WDR72: variants seen among roughly 807,000 people sequenced by gnomAD.
The protein encoded by WDR72 is WD repeat-containing protein 72.
Under a neutral mutation model 124.2 loss-of-function variants are expected in WDR72, and 120 were observed. That is an observed-to-expected ratio of 0.97 (90% CI 0.83 to 1.12). The LOEUF (loss-of-function observed/expected upper bound fraction) is 1.12, where lower values mean the gene tolerates loss of function less well. Among genes scored for constraint, WDR72 ranks in the 50% most tolerant of loss-of-function variants. WDR72 has a pLI of 0.00. For synonymous variants in WDR72, 452 were observed against 441.7 expected (o/e 1.02, Z -0.29); for missense variants, 1,387 against 1,278.8 (o/e 1.08, Z -1.29).
chr15:53,616,279 GCTT>G (rs1433932562), intron 14 of WDR72, 36 bp from the exon 15 acceptor site: 3 of 1,537,448 alleles, frequency 2.0e-6, no homozygotes, highest in Non-Finnish European at 2.7e-6. Flanking sequence ...CAAAGTTCTT[GCTT>G]ATTATTTTAT....
intron 11 of WDR72, among the ~76,000 whole-genome samples, chr15:53,704,357 T>C (rs188650046): frequency 1.1e-4 from 16 of 152,280 alleles, no homozygotes; most frequent in African/African-American, 3.8e-4. Flanking sequence ...ATTAAAAGAC[T>C]GTATGTTGTT....
intron 18 of WDR72, among the ~76,000 whole-genome samples, chr15:53,548,171 G>C (rs548961578): frequency 2.0e-5 from 3 of 152,312 alleles, no homozygotes; most frequent in African/African-American, 7.2e-5. Context: ...GCTATGCTCT[G>C]ATCATCTTCT....
chr15:53,730,784 C>T (rs540730872), intron 2 of WDR72, among the ~76,000 whole-genome samples: 128 of 152,208 alleles, frequency 8.4e-4, no homozygotes, highest in Non-Finnish European at 1.7e-3. Flanking sequence ...TTTATATACA[C>T]ATTTTTTAAA....
intron 14 of WDR72, among the ~76,000 whole-genome samples, chr15:53,647,910 T>C (rs1458566956): frequency 1.3e-5 from 2 of 152,116 alleles, no homozygotes; most frequent in African/African-American, 2.4e-5. Context: ...ATGCAACTAC[T>C]GAAATGCCAA....
intron 18 of WDR72, among the ~76,000 whole-genome samples, chr15:53,565,215 G>C (rs1894252912): frequency 6.6e-6 from 1 of 151,794 alleles, no homozygotes; most frequent in Non-Finnish European, 1.5e-5. Context: ...ACTCGAGGCA[G>C]GTGAGTTTAG....
chr15:53,604,142 A>G (rs542030101), intron 17 of WDR72, among the ~76,000 whole-genome samples: 2 of 152,352 alleles, frequency 1.3e-5, no homozygotes, highest in East Asian at 3.9e-4. Flanking sequence ...CACATAGACC[A>G]ATGGAACAGA....
intron 18 of WDR72, among the ~76,000 whole-genome samples, chr15:53,577,634 G>A (rs1037296797): frequency 2.0e-5 from 3 of 152,036 alleles, no homozygotes; most frequent in Non-Finnish European, 4.4e-5. Flanking sequence ...TTATCCTCAC[G>A]GATGCATCTA....
At chr15:53,699,263 C>G (rs2017094455) in intron 13 of WDR72, among the ~76,000 whole-genome samples, 1 of 152,146 alleles carries the variant, frequency 6.6e-6, no homozygotes, top group African/African-American at 2.4e-5. Flanking sequence ...TCTACATTCT[C>G]TATGATATGA....
At chr15:53,546,696 CA>C (rs1338623269) in intron 18 of WDR72, among the ~76,000 whole-genome samples, 1 of 151,570 alleles carries the variant, frequency 6.6e-6, no homozygotes, top group Non-Finnish European at 1.5e-5. Flanking sequence ...GAAAGAAATG[CA>C]AAAGATACTT....
chr15:53,635,084 G>A (rs766106897), intron 14 of WDR72, among the ~76,000 whole-genome samples: 2 of 152,106 alleles, frequency 1.3e-5, no homozygotes, highest in Non-Finnish European at 2.9e-5. Flanking sequence ...AACTGCAGAG[G>A]GTGACGATCT....
chr15:53,543,910 G>C (rs905016994), intron 18 of WDR72, among the ~76,000 whole-genome samples: 3 of 152,154 alleles, frequency 2.0e-5, no homozygotes, highest in Non-Finnish European at 4.4e-5. Context: ...AGAAAATCTA[G>C]AAGAAATGGA....
chr15:53,654,769 A>C (rs1271026055), intron 14 of WDR72, among the ~76,000 whole-genome samples: 3 of 152,228 alleles, frequency 2.0e-5, no homozygotes, highest in Admixed American at 2.0e-4. Context: ...TTATCATAAA[A>C]AGTGAAAATT....
At chr15:53,735,463 G>A (rs2018326638) in intron 1 of WDR72, among the ~76,000 whole-genome samples, 1 of 152,136 alleles carries the variant, frequency 6.6e-6, no homozygotes, top group Non-Finnish European at 1.5e-5. Context: ...AGTTTTGAAG[G>A]TGGTAGATAA....
intron 18 of WDR72, among the ~76,000 whole-genome samples, chr15:53,579,690 A>G (rs1434974630): frequency 1.3e-5 from 2 of 152,114 alleles, no homozygotes; most frequent in Non-Finnish European, 2.9e-5. Context: ...CTTGGCAGGA[A>G]GAACAAAGGG....
chr15:53,609,277 T>C (rs1232754235), intron 17 of WDR72, among the ~76,000 whole-genome samples: 5 of 152,036 alleles, frequency 3.3e-5, no homozygotes, highest in South Asian at 2.1e-4. Context: ...AAGCAAGAAA[T>C]TACCTGTGAT....
At chr15:53,718,436 C>A (rs1445902769) in intron 3 of WDR72, among the ~76,000 whole-genome samples, 2 of 152,068 alleles carry the variant, frequency 1.3e-5, no homozygotes, top group Non-Finnish European at 2.9e-5. Flanking sequence ...CATCTTGGAT[C>A]CCATTGCTTT....
At chr15:53,655,855 AC>A (rs2015403957) in intron 14 of WDR72, among the ~76,000 whole-genome samples, 1 of 151,982 alleles carries the variant, frequency 6.6e-6, no homozygotes, top group African/African-American at 2.4e-5. Context: ...ACCACGCCTG[AC>A]TAATTTTTGT....
At chr15:53,660,112 AAAG>A (rs1208912250) in intron 14 of WDR72, among the ~76,000 whole-genome samples, 4 of 152,130 alleles carry the variant, frequency 2.6e-5, no homozygotes, top group African/African-American at 9.6e-5. Context: ...ATTTTATTAA[AAAG>A]AATAAATCAA....
At chr15:53,621,251 A>G (rs1433691669) in intron 14 of WDR72, among the ~76,000 whole-genome samples, 2 of 151,998 alleles carry the variant, frequency 1.3e-5, no homozygotes, top group Admixed American at 6.6e-5. Context: ...TTAAAGAACT[A>G]AAAGTAGAAC....
Sources: gnomAD v4.1 joint callset for allele counts (sites outside exome capture counted in the v4.1 genomes callset) on GRCh38, gnomAD v4.1.1 for gene constraint, MANE v1.5 for transcripts, NCBI Gene and HGNC (gene_info 2026-07-23, HGNC 2026-07-21) for gene names.